The following EDAR variants were observed in gnomAD, a reference collection of about 807,000 sequenced individuals.
EDAR encodes tumor necrosis factor receptor superfamily member EDAR.
Under a neutral mutation model 51.3 loss-of-function variants are expected in EDAR, and 38 were observed. That is an observed-to-expected ratio of 0.74 (90% CI 0.57 to 0.97). EDAR has a LOEUF of 0.97. EDAR is among the 50% of genes least tolerant of loss of function. The pLI is 0.00. For synonymous variants in EDAR, 227 were observed against 242.1 expected (o/e 0.94, Z 0.58); for missense variants, 528 against 595.0 (o/e 0.89, Z 1.17).
chr2:108,929,091 C>G, intron 4 of EDAR, 107 bp downstream of exon 4: 1 of 1,314,428 alleles, frequency 7.6e-7, no homozygotes, highest in Non-Finnish European at 1.1e-6. Context: ...GCGGCTGCAC[C>G]GAGGCCTGCA....
chr2:108,944,708 G>A (rs1188894585), intron 1 of EDAR, among the ~76,000 whole-genome samples: 1 of 152,142 alleles, frequency 6.6e-6, no homozygotes, highest in Non-Finnish European at 1.5e-5. Flanking sequence ...GGCCTGGGAG[G>A]GAGGGGCTGC....
intron 1 of EDAR, among the ~76,000 whole-genome samples, chr2:108,975,423 G>A (rs376623170): frequency 1.3e-5 from 2 of 152,206 alleles, no homozygotes; most frequent in South Asian, 2.1e-4. Flanking sequence ...ATGGGCCGGC[G>A]AGACATGGAT....
chr2:108,938,198 A>G (rs1212710278), intron 1 of EDAR, among the ~76,000 whole-genome samples: 1 of 152,108 alleles, frequency 6.6e-6, no homozygotes, highest in Non-Finnish European at 1.5e-5. Flanking sequence ...TTTCTATTTG[A>G]CTCAACTTTT....
At chr2:108,988,804 G>A (rs1418574502) in intron 1 of EDAR, among the ~76,000 whole-genome samples, 156 bp downstream of exon 1, 1 of 152,200 alleles carries the variant, frequency 6.6e-6, no homozygotes, top group Non-Finnish European at 1.5e-5. Context: ...AGAACTGGTA[G>A]CGCAGACATA....
intron 1 of EDAR, among the ~76,000 whole-genome samples, chr2:108,976,978 A>G (rs968236652): frequency 9.9e-5 from 15 of 152,098 alleles, no homozygotes; most frequent in African/African-American, 3.6e-4. Flanking sequence ...CACAGTGAGG[A>G]CTGACAAATG....
At position 108,894,690 on chromosome 2, in the gene EDAR, C is replaced by G. The variant is rs1696546880; in HGVS notation, c.*2217G>C. ...TTTGGTCAGTGAGAATTATTATGAT[C>G]TCATTGTTCTGAATCCCATAACATA... On this transcript the variant is annotated 3_prime_UTR_variant, in exon 12 of 12. Coordinates refer to ENST00000258443, the MANE Select transcript of EDAR (RefSeq NM_022336.4). The G allele has an allele frequency of 6.6e-6, 1 of 152,456 alleles. No homozygotes were observed. The highest frequency in any genetic ancestry group is 2.4e-5 in the African/African-American group (1 of 41,438). 9.4% of individuals were successfully genotyped at this position (152,456 alleles called of 1,614,324 possible).
At position 108,912,774 on chromosome 2, in the gene EDAR, A is replaced by T. The variant is rs1291101251; in HGVS notation, c.443-10T>A. The T allele has an allele frequency of 6.3e-7, 1 of 1,580,592 alleles. No individual in the cohort carries two copies. The highest frequency in any genetic ancestry group is 1.2e-5 in the South Asian group (1 of 86,014). Reference sequence around the variant, plus strand: ...GAAGTGGCTCCCACACCTGCAAGGAAAATAGAGTCCCTCAAATGATCCAGA... The same window carrying T: ...GAAGTGGCTCCCACACCTGCAAGGATAATAGAGTCCCTCAAATGATCCAGA... On this transcript the variant is annotated splice_polypyrimidine_tract_variant and intron_variant, in intron 5 of 11. Transcript: ENST00000258443.
chr2:108,951,595 T>G (rs1206595385), intron 1 of EDAR, among the ~76,000 whole-genome samples: 1 of 152,140 alleles, frequency 6.6e-6, no homozygotes, highest in African/African-American at 2.4e-5. Flanking sequence ...GGCACAGGGA[T>G]AAAGGTGATA....
intron 1 of EDAR, among the ~76,000 whole-genome samples, chr2:108,979,162 A>C (rs1698378607): frequency 1.3e-5 from 2 of 152,160 alleles, no homozygotes; most frequent in African/African-American, 4.8e-5. Flanking sequence ...GTGTTTCTCC[A>C]TCCACTGCCC....
intron 11 of EDAR, among the ~76,000 whole-genome samples, chr2:108,900,947 G>C (rs183693509): frequency 6.6e-6 from 1 of 152,210 alleles, no homozygotes; most frequent in African/African-American, 2.4e-5. Context: ...AATTATAGTT[G>C]AAGACTTTAA....
In EDAR at chr2:108,983,622, C is replaced by T. The variant is rs1698451648; in HGVS notation, c.-19+5338G>A. On this transcript the variant is annotated intron_variant, in intron 1 of 11. Coordinates refer to ENST00000258443, the MANE Select transcript of EDAR (RefSeq NM_022336.4). ...TTGACTGCCCTGGAGTTCCCAGAGA[C>T]AGGTATCCTCCTCCAGACTGACTTC... Among the ~76,000 whole-genome samples, 3 of 152,206 alleles carry T rather than the reference C, an allele frequency of 2.0e-5. No individual in the cohort carries two copies. The South Asian group carries it at 6.2e-4, about 32-fold the overall frequency.
intron 1 of EDAR, among the ~76,000 whole-genome samples, chr2:108,932,368 A>T (rs534182123): frequency 1.3e-5 from 2 of 151,854 alleles, no homozygotes; most frequent in African/African-American, 4.8e-5. Context: ...CTCTACTAAA[A>T]ATACAAAAAA....
In EDAR at chr2:108,977,836, T is replaced by C. The variant is rs542751722; in HGVS notation, c.-19+11124A>G. Among the ~76,000 whole-genome samples the C allele has an allele frequency of 3.3e-5, 5 of 152,328 alleles. No individual in the cohort carries two copies. The East Asian group carries it at 5.8e-4, about 18-fold the overall frequency. On this transcript the variant is annotated intron_variant, in intron 1 of 11. Transcript: ENST00000258443. ...GCCGCACCCTCTTTTCTTGTTCTACTTCTGGTTCACACACTTTTTAAGCCT... is the reference window on the plus strand; with the variant it reads ...GCCGCACCCTCTTTTCTTGTTCTACCTCTGGTTCACACACTTTTTAAGCCT...
At chr2:108,934,487 G>C (rs1697429794) in intron 1 of EDAR, among the ~76,000 whole-genome samples, 1 of 152,244 alleles carries the variant, frequency 6.6e-6, no homozygotes, top group Non-Finnish European at 1.5e-5. Flanking sequence ...ATTTGTGACA[G>C]TGATGGGGAG....
intron 9 of EDAR, among the ~76,000 whole-genome samples, chr2:108,909,322 C>T (rs1013558782): frequency 1.3e-5 from 2 of 152,152 alleles, no homozygotes; most frequent in African/African-American, 4.8e-5. Flanking sequence ...TAGGGAGGCC[C>T]TATTTAAGAG....
At chr2:108,942,100 G>A (rs190599379) in intron 1 of EDAR, among the ~76,000 whole-genome samples, 83 of 152,350 alleles carry the variant, frequency 5.4e-4, no homozygotes, top group Middle Eastern at 3.4e-3. Context: ...TGTGTGTGCT[G>A]GGGGCAGAGG....
At chr2:108,985,043 G>C (rs1478228970) in intron 1 of EDAR, among the ~76,000 whole-genome samples, 2 of 152,138 alleles carry the variant, frequency 1.3e-5, no homozygotes, top group Non-Finnish European at 2.9e-5. Flanking sequence ...TTGCAGTCTG[G>C]TTTTGCATGT....
chr2:108,911,832 C>G (rs1696933823), intron 6 of EDAR, among the ~76,000 whole-genome samples: 2 of 152,310 alleles, frequency 1.3e-5, no homozygotes, highest in South Asian at 2.1e-4. Context: ...AGCTGAGAAC[C>G]CCGCATGTGG....
At chr2:108,897,602 C>G (rs931253643) in intron 11 of EDAR, among the ~76,000 whole-genome samples, 2 of 152,102 alleles carry the variant, frequency 1.3e-5, no homozygotes, top group African/African-American at 4.8e-5. Context: ...AGGAGGGGTT[C>G]AAAGGGACAG....
Sources: allele counts gnomAD v4.1 joint callset (sites outside exome capture counted in the v4.1 genomes callset), GRCh38; gene constraint gnomAD v4.1.1; transcripts MANE v1.5; gene names NCBI Gene and HGNC (gene_info 2026-07-23, HGNC 2026-07-21).